The following ZFPM1 variants were observed in gnomAD, a reference collection of about 807,000 sequenced individuals.
ZFPM1 encodes the protein zinc finger protein, FOG family member 1.
ZFPM1 carries 28 observed loss-of-function variants against 46.3 expected under a neutral mutation model. That is an observed-to-expected ratio of 0.60 (90% CI 0.45 to 0.83). The LOEUF is 0.83. ZFPM1 is among the 40% of genes least tolerant of loss of function. ZFPM1 has a pLI of 0.00. For synonymous variants in ZFPM1, 957 were observed against 675.9 expected, an observed-to-expected ratio of 1.42 and a Z score of -6.45; for missense variants, 1,878 against 1,432.4, an observed-to-expected ratio of 1.31 and a Z score of -5.02.
rs1908311058 is a variant in ZFPM1 at position 88,469,424 on chromosome 16, C to A, written c.40+15746C>A. On this transcript the variant is annotated intron_variant, in intron 1 of 9. Transcript: ENST00000319555. This position sits in a 1 kb window ranked among gnomAD's most constrained non-coding sequence, Gnocchi z 4.3. ...CTGGGCCTCAGTTTCCCCTTCCACA[C>A]CATGAGGCTGAGGTGGCAGGTTCTC... Among the ~76,000 whole-genome samples, 1 of 152,190 alleles carries A rather than the reference C, an allele frequency of 6.6e-6. No homozygotes were observed. The highest frequency in any genetic ancestry group is 2.4e-5 in the African/African-American group (1 of 41,428).
chr16:88,489,369 G>T, intron 3 of ZFPM1: 1 of 678,580 alleles, frequency 1.5e-6, no homozygotes, highest in Non-Finnish European at 2.3e-6. Flanking sequence ...CTCACGTGGT[G>T]TACAAGGAAG....
Position 88,533,354 on chromosome 16 carries a change from G to A in ZFPM1, c.1396G>A (p.Ala466Thr). Residue 466 changes from alanine (A) to threonine (T), a missense_variant, in exon 10 of 10, where the codon GCG becomes ACG. Ala to Thr is a moderately conservative substitution (Grantham distance 58, BLOSUM62 0). Coordinates refer to ENST00000319555, the MANE Select transcript of ZFPM1 (RefSeq NM_153813.3). Reference sequence around the variant, plus strand: ...GGCCCCCAGGAGCATCAAGGTGGAGGCGGTGGAGGAGCCGGAGGCGGCCCC... The same window carrying A: ...GGCCCCCAGGAGCATCAAGGTGGAGACGGTGGAGGAGCCGGAGGCGGCCCC... Reference protein sequence around the residue: ...PAAPRSIKVEAVEEPEAAPIL... With the variant: ...PAAPRSIKVETVEEPEAAPIL... 1.3e-6 allele frequency: 2 copies of A among 1,532,884 alleles called. No individual in the cohort carries two copies. The highest frequency in any genetic ancestry group is 1.7e-6 in the Non-Finnish European group (2 of 1,144,608). 95.0% of individuals were successfully genotyped at this position (1,532,884 alleles called of 1,614,324 possible).
At chr16:88,463,223 G>C (rs904797) in intron 1 of ZFPM1, among the ~76,000 whole-genome samples, 1 of 152,088 alleles carries the variant, frequency 6.6e-6, no homozygotes, top group African/African-American at 2.4e-5. Context: ...GTAGTCCTCC[G>C]GGGACAGGGG....
intron 1 of ZFPM1, among the ~76,000 whole-genome samples, chr16:88,465,776 G>A (rs534048746): frequency 8.5e-5 from 13 of 152,326 alleles, no homozygotes; most frequent in African/African-American, 2.6e-4. Flanking sequence ...AGGTGCCATC[G>A]CGGCGTCTGT....
At chr16:88,484,281 C>G (rs1054684685) in intron 1 of ZFPM1, among the ~76,000 whole-genome samples, 1 of 152,210 alleles carries the variant, frequency 6.6e-6, no homozygotes, top group Admixed American at 6.5e-5. Flanking sequence ...ACCACCTAGC[C>G]AGAGGCGCAA....
upstream of ZFPM1, among the ~76,000 whole-genome samples, chr16:88,453,054 A>C (rs1469554577): frequency 2.1e-5 from 3 of 146,288 alleles, no homozygotes; most frequent in East Asian, 2.1e-4. Flanking sequence ...CTGGGGTCGG[A>C]GCCAGCGCCG....
Position 88,485,966 on chromosome 16 carries a change from A to G in ZFPM1, c.68A>G (p.Glu23Gly). 6.2e-7 allele frequency: 1 copy of G among 1,612,804 alleles called. No homozygotes were observed. The highest frequency in any genetic ancestry group is 8.5e-7 in the Non-Finnish European group (1 of 1,179,876). ...TCCCTCGGAGACATGGAGGCCAGAG[A>G]GGAGGTGCAGTTGGTGGGTGCCAGC... ...KRSLGDMEAREEVQLVGASHM... is the reference protein window; with the variant it reads ...KRSLGDMEARGEVQLVGASHM... Residue 23 changes from glutamate to glycine, a missense_variant, in exon 2 of 10, where the codon GAG becomes GGG. Glu to Gly is a moderately conservative substitution (Grantham distance 98, BLOSUM62 -2). Coordinates refer to ENST00000319555, the MANE Select transcript of ZFPM1 (RefSeq NM_153813.3).
intron 4 of ZFPM1, among the ~76,000 whole-genome samples, chr16:88,521,517 C>T (rs1272862215): frequency 3.4e-5 from 5 of 148,728 alleles, no homozygotes; most frequent in African/African-American, 5.0e-5. Context: ...TTCCCTCCCC[C>T]GTGCTGTTCC....
At chr16:88,490,055 TA>T (rs1203735544) in intron 3 of ZFPM1, among the ~76,000 whole-genome samples, 17 of 150,990 alleles carry the variant, frequency 1.1e-4, no homozygotes, top group African/African-American at 3.2e-4. Flanking sequence ...AAGTATTTAT[TA>T]TTTTTTTTTT....
intron 1 of ZFPM1, among the ~76,000 whole-genome samples, chr16:88,465,258 C>T (rs1433083435): frequency 6.6e-6 from 1 of 152,242 alleles, no homozygotes; most frequent in African/African-American, 2.4e-5. Context: ...AGAAGACAAA[C>T]AGCAGAAACA....
At chr16:88,475,214 G>A (rs968241570) in intron 1 of ZFPM1, among the ~76,000 whole-genome samples, 5 of 152,262 alleles carry the variant, frequency 3.3e-5, no homozygotes, top group African/African-American at 9.6e-5. Context: ...CGCTCCCGTG[G>A]GGTGTCGAGG....
At chr16:88,476,522 G>A (rs1206011531) in intron 1 of ZFPM1, among the ~76,000 whole-genome samples, 6 of 152,108 alleles carry the variant, frequency 3.9e-5, no homozygotes, top group East Asian at 1.9e-4. Flanking sequence ...GGAAGTTCTG[G>A]CAGAGAGGGC....
chr16:88,469,567 T>C lies in ZFPM1; in HGVS notation c.40+15889T>C, dbSNP rs1195341088. Reference sequence around the variant, plus strand: ...TGTCTACAGGGGGCTTAGGACACCTTAGGGGGCATGCACCTGTGTTCTGCA... The same window carrying C: ...TGTCTACAGGGGGCTTAGGACACCTCAGGGGGCATGCACCTGTGTTCTGCA... On this transcript the variant is annotated intron_variant, in intron 1 of 9. Transcript: ENST00000319555. The surrounding 1 kb of genome is among the most constrained non-coding windows in gnomAD (Gnocchi z 4.3). 6.6e-6 allele frequency among the ~76,000 whole-genome samples: 1 copy of C among 152,094 alleles called. No individual in the cohort carries two copies. The highest frequency in any genetic ancestry group is 1.5e-5 in the Non-Finnish European group (1 of 68,024).
chr16:88,473,942 G>A (rs1024262340), intron 1 of ZFPM1, among the ~76,000 whole-genome samples: 6 of 152,122 alleles, frequency 3.9e-5, no homozygotes, highest in African/African-American at 1.2e-4. Flanking sequence ...TCGGTTCTCC[G>A]GAGTGAAGCA....
Position 88,526,808 on chromosome 16 carries a change from C to T in ZFPM1, c.403-6C>T, listed in dbSNP as rs528061255. On this transcript the variant is annotated splice_polypyrimidine_tract_variant and splice_region_variant and intron_variant, in intron 4 of 9. Transcript: ENST00000319555. ...CTCCCCACGTGTTCCTACCCTCCCC[C>T]CCCAGAGCCCAGCCCTGACCCTGCT... 2.2e-5 allele frequency: 34 copies of T among 1,545,886 alleles called. No homozygotes were observed. The highest frequency in any genetic ancestry group is 1.5e-4 in the African/African-American group (11 of 73,202).
At chr16:88,462,615 G>T (rs1002311066) in intron 1 of ZFPM1, among the ~76,000 whole-genome samples, 4 of 152,208 alleles carry the variant, frequency 2.6e-5, no homozygotes, top group African/African-American at 4.8e-5. Flanking sequence ...GGCAGCCACC[G>T]CGGGCTTCCG....
chr16:88,516,430 G>T (rs756731592), intron 4 of ZFPM1: 9 of 397,828 alleles, frequency 2.3e-5, no homozygotes, highest in Non-Finnish European at 3.1e-5. Context: ...GGCACAAGGG[G>T]AGCCAAGGCC....
chr16:88,517,577 TAATGGATGGATAAATGAGTGGGTG>T (rs1360683881), intron 4 of ZFPM1, among the ~76,000 whole-genome samples: 1 of 132,896 alleles, frequency 7.5e-6, no homozygotes, highest in Non-Finnish European at 1.6e-5. Flanking sequence ...GTGGATAGAC[TAATGGATGGATAAATGAGTGGGTG>T]AATGGATGGA....
intron 1 of ZFPM1, among the ~76,000 whole-genome samples, chr16:88,455,570 A>C: frequency 9.6e-6 from 1 of 104,110 alleles, no homozygotes; most frequent in Non-Finnish European, 1.8e-5. Flanking sequence ...CCCTGGCCTC[A>C]CCTGCGGCCG....
Sources: gnomAD v4.1 joint callset for allele counts (sites outside exome capture counted in the v4.1 genomes callset) on GRCh38, gnomAD v4.1.1 for gene constraint, Gnocchi (gnomAD v3.1) non-coding constraint, MANE v1.5 for transcripts, NCBI Gene and HGNC (gene_info 2026-07-23, HGNC 2026-07-21) for gene names.